The following FHAD1 variants were observed in gnomAD, a reference collection of about 807,000 sequenced individuals.
FHAD1 encodes the protein forkhead associated phosphopeptide binding domain 1.
A neutral mutation model predicts 191.3 loss-of-function variants in FHAD1; 146 were observed. The observed-to-expected ratio is 0.76, with a 90% CI of 0.67 to 0.88. The LOEUF is 0.88. FHAD1 is among the 40% of genes least tolerant of loss of function. The pLI, the probability that FHAD1 is intolerant of heterozygous loss-of-function variation, is 0.00. For missense variants in FHAD1, 1,635 were observed against 1,785.8 expected (o/e 0.92, Z 1.52); for synonymous variants, 616 against 672.3 (o/e 0.92, Z 1.29).
rs542768290 is a variant in FHAD1, at chr1:15,326,272, G to A, written c.1474-787G>A. 4 of 152,310 alleles carry A rather than the reference G, an allele frequency of 2.6e-5. No homozygotes were observed. The South Asian group carries it at 8.3e-4, about 32-fold the overall frequency. The allele number at this position is 152,310 out of a possible 1,614,324, so 9.4% of individuals were successfully genotyped here. A position where few individuals can be genotyped will look rare whatever the true frequency, so the allele number is the denominator to read the frequency against. On this transcript the variant is annotated intron_variant, in intron 11 of 33. Transcript: ENST00000688493. ...CCAGTGAACTGGAGACTCACGCCAGGGGCTGCCATGTTGGTAAATTCTCAG... is the reference window on the plus strand; with the variant it reads ...CCAGTGAACTGGAGACTCACGCCAGAGGCTGCCATGTTGGTAAATTCTCAG...
At chr1:15,263,390 G>A (rs10927751) in intron 2 of FHAD1, among the ~76,000 whole-genome samples, 14,998 of 151,246 alleles carry the variant, frequency 0.099, 895 homozygotes, top group South Asian at 0.21. Flanking sequence ...TCTATTGTCC[G>A]GAAGCTTTTC....
intron 2 of FHAD1, among the ~76,000 whole-genome samples, chr1:15,257,274 C>T (rs1034770264): frequency 6.6e-6 from 1 of 152,218 alleles, no homozygotes; most frequent in African/African-American, 2.4e-5. Flanking sequence ...CCCTCCCCTC[C>T]CGAGTGGAGC....
At chr1:15,275,413 C>A (rs925721156) in intron 3 of FHAD1, among the ~76,000 whole-genome samples, 1 of 152,210 alleles carries the variant, frequency 6.6e-6, no homozygotes, top group Non-Finnish European at 1.5e-5. Context: ...CACAGCAGCC[C>A]GAGCGTTTCC....
chr1:15,261,085 A>T (rs1650808827), intron 2 of FHAD1, among the ~76,000 whole-genome samples: 1 of 152,212 alleles, frequency 6.6e-6, no homozygotes, highest in African/African-American at 2.4e-5. Flanking sequence ...AAGATGGTGG[A>T]TGAGCCAAGA....
chr1:15,386,693 C>T (rs897768873), intron 31 of FHAD1, among the ~76,000 whole-genome samples: 3 of 152,194 alleles, frequency 2.0e-5, no homozygotes, highest in Non-Finnish European at 2.9e-5. Flanking sequence ...AACCTTGCCT[C>T]TGCATTATGA....
chr1:15,236,929 G>T (rs1644845282), intron 1 of FHAD1, among the ~76,000 whole-genome samples: 1 of 152,144 alleles, frequency 6.6e-6, no homozygotes, highest in Non-Finnish European at 1.5e-5. Flanking sequence ...GGTTACCCTC[G>T]TGCTGTTCTC....
intron 8 of FHAD1, 60 bp downstream of exon 8, chr1:15,313,247 T>C (rs1672844456): frequency 6.9e-7 from 1 of 1,449,502 alleles, no homozygotes; most frequent in African/African-American, 1.5e-5. Context: ...TAAAGTGAAG[T>C]CACGTGATAT....
intron 31 of FHAD1, chr1:15,383,398 C>T (rs1701370640): frequency 5.2e-6 from 2 of 386,866 alleles, no homozygotes; most frequent in Admixed American, 5.8e-5. Flanking sequence ...CAGGTGGTCT[C>T]CTGGGTGAGT....
At chr1:15,247,506 T>G (rs1269472060) in intron 1 of FHAD1, 111 bp downstream of exon 1, 2 of 162,478 alleles carry the variant, frequency 1.2e-5, no homozygotes, top group Non-Finnish European at 2.7e-5. Flanking sequence ...CCCATCCTCC[T>G]GGATCCAGGC....
intron 17 of FHAD1, 58 bp downstream of exon 17, chr1:15,345,248 A>T (rs1399480523): frequency 6.8e-7 from 1 of 1,467,824 alleles, no homozygotes; most frequent in Non-Finnish European, 9.3e-7. Flanking sequence ...GGAAGGGTGG[A>T]TCTGGGGCTC....
Position 15,360,620 on chromosome 1 carries a change from G to A in FHAD1, c.2879G>A (p.Ser960Asn), listed in dbSNP as rs763786533. Residue 960 changes from serine (S) to asparagine (N), a missense_variant, in exon 22 of 34, where the codon AGC becomes AAC. By Grantham distance (46) the Ser-to-Asn change is conservative. Transcript: ENST00000688493. The part of the protein sequence containing the change: ...QIKQHAQTIV[S>N]LEEKLQKVTQ... ...AAACAGCACGCCCAGACAATTGTGA[G>A]CCTCGAAGAGAAACTCCAGAAAGTC... 8 of 1,551,934 alleles carry A rather than the reference G, an allele frequency of 5.2e-6. No homozygotes were observed. The South Asian group carries it at 8.3e-5, about 16-fold the overall frequency.
At position 15,397,278 on chromosome 1, in the gene FHAD1, T is replaced by C; in HGVS notation, c.4324-19T>C. The C allele has an allele frequency of 7.6e-7, 1 of 1,311,688 alleles. No homozygotes were observed. Among genetic ancestry groups the C allele is most frequent in the Non-Finnish European group, 1.1e-6 (1 of 944,056 alleles). The allele number at this position is 1,311,688 out of a possible 1,614,324, so 81.3% of individuals were successfully genotyped here. A position where few individuals can be genotyped will look rare whatever the true frequency, so the allele number is the denominator to read the frequency against. On this transcript the variant is annotated intron_variant, in intron 33 of 33. Transcript: ENST00000688493. ...TTGCTGCAATGGAGTTTGTGTGTTTTTTCTCTTGCTTGTTAAAGGTTGGAA... is the reference window on the plus strand; with the variant it reads ...TTGCTGCAATGGAGTTTGTGTGTTTCTTCTCTTGCTTGTTAAAGGTTGGAA...
intron 8 of FHAD1, among the ~76,000 whole-genome samples, chr1:15,313,861 A>G (rs1673070891): frequency 6.6e-6 from 1 of 152,050 alleles, no homozygotes; most frequent in Non-Finnish European, 1.5e-5. Context: ...ACACGAGATC[A>G]GGAGTTTGAG....
upstream of FHAD1, among the ~76,000 whole-genome samples, chr1:15,245,390 T>G (rs1345400266): frequency 6.6e-6 from 1 of 152,240 alleles, no homozygotes; most frequent in Non-Finnish European, 1.5e-5. Flanking sequence ...ATTTGCTCTT[T>G]TTTGTTGTTT....
chr1:15,346,907 G>A lies in FHAD1; in HGVS notation c.2346+1384G>A, dbSNP rs555931053. 7.2e-5 allele frequency among the ~76,000 whole-genome samples: 11 copies of A among 152,322 alleles called. No individual in the cohort carries two copies. In the South Asian group the frequency reaches 1.0e-3, roughly 14 times the overall value. ...GGGCCTGGCCTGCGGAATGATTGCC[G>A]AGTAAACGGCAGCTGTTACTACTGT... is the stretch of plus-strand genomic sequence containing the variant. On this transcript the variant is annotated intron_variant, in intron 18 of 33. Transcript: ENST00000688493.
chr1:15,333,998 A>G (rs1253407977), intron 14 of FHAD1, among the ~76,000 whole-genome samples: 1 of 150,918 alleles, frequency 6.6e-6, no homozygotes. Context: ...ACGCCACCTA[A>G]TTTTTGTGTT....
chr1:15,299,693 G>A (rs1668137292), intron 5 of FHAD1, among the ~76,000 whole-genome samples: 1 of 152,216 alleles, frequency 6.6e-6, no homozygotes, highest in Non-Finnish European at 1.5e-5. Flanking sequence ...ACCATAAGCT[G>A]CAGGCTTCTC....
intron 31 of FHAD1, among the ~76,000 whole-genome samples, chr1:15,385,972 G>C (rs1702006674): frequency 6.6e-6 from 1 of 152,206 alleles, no homozygotes; most frequent in African/African-American, 2.4e-5. Flanking sequence ...GGCCCAGGCT[G>C]TGCCCAATCT....
intron 1 of FHAD1, among the ~76,000 whole-genome samples, chr1:15,241,025 G>A (rs1267938066): frequency 6.6e-6 from 1 of 151,502 alleles, no homozygotes; most frequent in Non-Finnish European, 1.5e-5. Context: ...TTGAGGCTCA[G>A]ATGAGATCCC....
Sources: allele counts gnomAD v4.1 joint callset (sites outside exome capture counted in the v4.1 genomes callset), GRCh38; gene constraint gnomAD v4.1.1; transcripts MANE v1.5; gene names NCBI Gene and HGNC (gene_info 2026-07-23, HGNC 2026-07-21).